The following SNX29 variants were observed in gnomAD, a reference collection of about 807,000 sequenced individuals.
The protein encoded by SNX29 is sorting nexin 29.
In SNX29, 78 loss-of-function variants were observed where a neutral mutation model predicts 102.1. The ratio of observed to expected loss-of-function variants is 0.76; its 90% CI spans 0.64 to 0.92. The LOEUF (loss-of-function observed/expected upper bound fraction) is 0.92. SNX29 is among the 40% of genes least tolerant of loss of function. The pLI is 0.00. For synonymous variants in SNX29, 580 were observed against 414.5 expected, an observed-to-expected ratio of 1.40 and a Z score of -4.85; for missense variants, 1,280 against 1,061.7, an observed-to-expected ratio of 1.21 and a Z score of -2.86.
chr16:12,512,682 G>A (rs2089684783), intron 19 of SNX29, among the ~76,000 whole-genome samples: 1 of 152,012 alleles, frequency 6.6e-6, no homozygotes, highest in African/African-American at 2.4e-5. Flanking sequence ...CCTGATGGAG[G>A]CTGGAGTACG....
chr16:12,547,668 C>G (rs578186969), intron 20 of SNX29, among the ~76,000 whole-genome samples: 4 of 152,278 alleles, frequency 2.6e-5, no homozygotes, highest in African/African-American at 7.2e-5. Context: ...AGCACCATCT[C>G]CTGTAATAAA....
intron 20 of SNX29, chr16:12,556,243 A>C (rs1183337865): frequency 1.3e-5 from 2 of 152,214 alleles, no homozygotes; most frequent in East Asian, 3.9e-4. Flanking sequence ...TCATGGCGTC[A>C]CACCCCACCT....
intron 14 of SNX29, among the ~76,000 whole-genome samples, chr16:12,203,561 T>G (rs1453671082): frequency 6.6e-6 from 1 of 152,076 alleles, no homozygotes; most frequent in East Asian, 1.9e-4. Context: ...GTGACGTCTC[T>G]GAAGTTGTGT....
chr16:12,487,232 C>G (rs186781973), intron 19 of SNX29, among the ~76,000 whole-genome samples: 1 of 152,152 alleles, frequency 6.6e-6, no homozygotes, highest in Non-Finnish European at 1.5e-5. Context: ...GTGGGGCGAG[C>G]AGACACACAC....
intron 13 of SNX29, among the ~76,000 whole-genome samples, chr16:12,180,635 C>T (rs2076362022): frequency 6.6e-6 from 1 of 152,132 alleles, no homozygotes; most frequent in Non-Finnish European, 1.5e-5. Context: ...AGGCGCCCGC[C>T]ACCACGTCCG....
At chr16:12,549,796 C>G (rs539318148) in intron 20 of SNX29, among the ~76,000 whole-genome samples, 5 of 152,234 alleles carry the variant, frequency 3.3e-5, no homozygotes, top group Non-Finnish European at 7.3e-5. Context: ...CAGACAAGGC[C>G]CATCATGGCT....
intron 20 of SNX29, among the ~76,000 whole-genome samples, chr16:12,565,684 C>T (rs1448412878): frequency 6.6e-6 from 1 of 152,108 alleles, no homozygotes; most frequent in Admixed American, 6.5e-5. Context: ...GCTAACCCTG[C>T]CTTCCAGGAA....
intron 16 of SNX29, among the ~76,000 whole-genome samples, chr16:12,380,384 C>CCACCCACCCATCATCTACCCACT (rs2083036370): frequency 1.1e-5 from 1 of 89,896 alleles, no homozygotes; most frequent in Non-Finnish European, 2.3e-5. Flanking sequence ...ATCCACCCAC[C>CCACCCACCCATCATCTACCCACT]CACCCACCCC....
At chr16:12,275,588 G>A (rs965166751) in intron 14 of SNX29, among the ~76,000 whole-genome samples, 1 of 151,926 alleles carries the variant, frequency 6.6e-6, no homozygotes, top group Non-Finnish European at 1.5e-5. Flanking sequence ...TGGCATCCAT[G>A]TCTGTTTAGG....
At position 12,568,650 on chromosome 16, in the gene SNX29, C is replaced by G. The variant is rs190352481; in HGVS notation, c.*21C>G. 2.5e-6 allele frequency: 4 copies of G among 1,599,768 alleles called. No individual in the cohort carries two copies. Among genetic ancestry groups the G allele is most frequent in the Admixed American group, 1.7e-5 (1 of 59,894 alleles). On this transcript the variant is annotated 3_prime_UTR_variant, in exon 21 of 21. Coordinates refer to ENST00000566228, the MANE Select transcript of SNX29 (RefSeq NM_032167.5). ...TCTGACCTCGACAAAACCGCAGCCA[C>G]GGGCCCTGTGCGTGGCACCAGCTGC...
Position 12,531,258 on chromosome 16 carries a change from G to T in SNX29, c.2318+6417G>T, listed in dbSNP as rs111668063. On this transcript the variant is annotated intron_variant, in intron 20 of 20. Transcript: ENST00000566228. ...GGAGAACAGGGCACTTGGCCCTATGGTCAGGGCGCACTGGGACCTGGGGTG... is the reference window on the plus strand; with the variant it reads ...GGAGAACAGGGCACTTGGCCCTATGTTCAGGGCGCACTGGGACCTGGGGTG... Among the ~76,000 whole-genome samples, 843 of 152,346 alleles carry T rather than the reference G, an allele frequency of 5.5e-3. 12 individuals are homozygous for T. Among genetic ancestry groups the T allele is most frequent in the African/African-American group, 0.019 (799 of 41,584 alleles).
chr16:12,376,949 C>T (rs897229824), intron 16 of SNX29, among the ~76,000 whole-genome samples: 3 of 152,066 alleles, frequency 2.0e-5, no homozygotes, highest in Admixed American at 1.3e-4. Context: ...GAATTTTACT[C>T]TGTCTTGGCT....
rs1000093571 is a variant in SNX29, at chr16:12,573,238, G to A, written c.*4609G>A. On this transcript the variant is annotated 3_prime_UTR_variant, in exon 21 of 21. Coordinates refer to ENST00000566228, the MANE Select transcript of SNX29 (RefSeq NM_032167.5). ...TCCCGCAGTTCATCCCATGGTTGTT[G>A]AAATGTACCTCGATCAGTCATCTCT... 14 of 227,138 alleles carry A rather than the reference G, an allele frequency of 6.2e-5. No homozygotes were observed. Among genetic ancestry groups the A allele is most frequent in the African/African-American group, 2.4e-4 (11 of 45,128 alleles). 14.1% of individuals were successfully genotyped at this position (227,138 alleles called of 1,614,324 possible). A position where few individuals can be genotyped will look rare whatever the true frequency, so the allele number is the denominator to read the frequency against.
intron 18 of SNX29, among the ~76,000 whole-genome samples, chr16:12,458,117 T>C (rs558354480): frequency 1.1e-4 from 16 of 152,328 alleles, no homozygotes; most frequent in African/African-American, 9.6e-5. Context: ...CATCTGTAGA[T>C]GGATGGAGAG....
In SNX29 at chr16:12,168,962, C is replaced by G. The variant is rs190862282; in HGVS notation, c.1596-30639C>G. Among the ~76,000 whole-genome samples the G allele has an allele frequency of 2.2e-3, 342 of 152,296 alleles. 2 individuals are homozygous for G. The highest frequency in any genetic ancestry group is 7.7e-3 in the African/African-American group (322 of 41,558). On this transcript the variant is annotated intron_variant, in intron 13 of 20. Transcript: ENST00000566228. Reference sequence around the variant, plus strand: ...AGGGTGGTGGTCCCCTTCTGACCTGCACGTGCTGGGGAGAGCTTTTACCAG... The same window carrying G: ...AGGGTGGTGGTCCCCTTCTGACCTGGACGTGCTGGGGAGAGCTTTTACCAG...
chr16:12,243,367 C>T (rs1300566366), intron 14 of SNX29, among the ~76,000 whole-genome samples: 2 of 152,230 alleles, frequency 1.3e-5, no homozygotes, highest in African/African-American at 4.8e-5. Context: ...TGTTCTGCTG[C>T]CCTGCCATTC....
intron 13 of SNX29, among the ~76,000 whole-genome samples, chr16:12,173,478 G>T (rs1184267800): frequency 6.6e-6 from 1 of 152,192 alleles, no homozygotes; most frequent in Non-Finnish European, 1.5e-5. Context: ...TGGCCTGTGG[G>T]CTCTAGTTTT....
chr16:12,018,085 AG>A (rs2056903978), intron 3 of SNX29, among the ~76,000 whole-genome samples: 1 of 152,014 alleles, frequency 6.6e-6, no homozygotes, highest in Non-Finnish European at 1.5e-5. Context: ...CCCCAGAACA[AG>A]GGGTGCCAAG....
chr16:12,200,865 A>G (rs936856298), intron 14 of SNX29, among the ~76,000 whole-genome samples: 7 of 152,178 alleles, frequency 4.6e-5, no homozygotes, highest in Non-Finnish European at 1.0e-4. Flanking sequence ...TTATTTTACT[A>G]TACGTACCAG....
Sources: allele counts gnomAD v4.1 joint callset (sites outside exome capture counted in the v4.1 genomes callset), GRCh38; gene constraint gnomAD v4.1.1; transcripts MANE v1.5; gene names NCBI Gene and HGNC (gene_info 2026-07-23, HGNC 2026-07-21).